DLG2: variants seen among roughly 807,000 people sequenced by gnomAD.
DLG2 encodes disks large homolog 2.
In DLG2, 45 loss-of-function variants were observed where a neutral mutation model predicts 132.5. That is an observed-to-expected ratio of 0.34 (90% confidence interval 0.27 to 0.44). The LOEUF is 0.44. DLG2 is among the 20% of genes least tolerant of loss of function. DLG2 has a pLI of 1.00. For synonymous variants in DLG2, 424 were observed against 419.6 expected, an observed-to-expected ratio of 1.01 and a Z score of -0.13; for missense variants, 1,045 against 1,196.9, an observed-to-expected ratio of 0.87 and a Z score of 1.87.
At chr11:85,346,122 TA>T (rs1184777394) in intron 3 of DLG2, among the ~76,000 whole-genome samples, 1 of 151,880 alleles carries the variant, frequency 6.6e-6, no homozygotes, top group Non-Finnish European at 1.5e-5. Flanking sequence ...CCACCTTAGG[TA>T]CGATGCTTGT....
intron 9 of DLG2, among the ~76,000 whole-genome samples, chr11:84,126,918 T>A (rs2094200476): frequency 6.6e-6 from 1 of 152,190 alleles, no homozygotes. Context: ...TCCATAAACA[T>A]ATATTAATGA....
intron 10 of DLG2, among the ~76,000 whole-genome samples, chr11:84,096,052 T>C (rs1317061023): frequency 6.6e-6 from 1 of 151,742 alleles, no homozygotes; most frequent in Non-Finnish European, 1.5e-5. Flanking sequence ...CCTTTGGGGG[T>C]TTTTAGGCAG....
chr11:84,558,828 A>G (rs920619185), intron 6 of DLG2, among the ~76,000 whole-genome samples: 2 of 151,942 alleles, frequency 1.3e-5, no homozygotes, highest in African/African-American at 2.4e-5. Flanking sequence ...ATTTTTTTGC[A>G]TCTATTCAAT....
chr11:84,176,139 G>A (rs1418455292), intron 8 of DLG2, among the ~76,000 whole-genome samples: 1 of 151,616 alleles, frequency 6.6e-6, no homozygotes, highest in Admixed American at 6.6e-5. Context: ...ATGGTTACCT[G>A]ATGGTTCACT....
chr11:85,011,026 A>C (rs77924021), intron 6 of DLG2, among the ~76,000 whole-genome samples: 2,091 of 152,236 alleles, frequency 0.014, 46 homozygotes, highest in African/African-American at 0.047. Context: ...AATCTGTCCC[A>C]CCCATTTGAA....
intron 21 of DLG2, among the ~76,000 whole-genome samples, chr11:83,507,547 G>GAT (rs1315119037): frequency 1.4e-5 from 2 of 140,602 alleles, no homozygotes; most frequent in Admixed American, 7.2e-5. Flanking sequence ...ATATCCTAAA[G>GAT]ATATATATCC....
At chr11:83,929,849 G>A (rs1431382712) in intron 15 of DLG2, among the ~76,000 whole-genome samples, 1 of 152,118 alleles carries the variant, frequency 6.6e-6, no homozygotes, top group Non-Finnish European at 1.5e-5. Context: ...ATACCTTAAA[G>A]ACTCAGTTAA....
chr11:85,485,796 C>A (rs989010274), intron 3 of DLG2, among the ~76,000 whole-genome samples: 8 of 152,198 alleles, frequency 5.3e-5, no homozygotes, highest in Admixed American at 5.2e-4. Flanking sequence ...GGGGAACCCA[C>A]ATGGAGTCCC....
At chr11:84,745,118 A>G (rs1178197619) in intron 6 of DLG2, among the ~76,000 whole-genome samples, 1 of 152,238 alleles carries the variant, frequency 6.6e-6, no homozygotes, top group African/African-American at 2.4e-5. Flanking sequence ...AGGGGCTCCT[A>G]GCCCTCTACT....
chr11:84,458,231 T>C (rs191324625), intron 7 of DLG2, among the ~76,000 whole-genome samples: 57 of 151,042 alleles, frequency 3.8e-4, no homozygotes, highest in Middle Eastern at 3.4e-3. Flanking sequence ...AATACTGTGA[T>C]AAAATAAGTA....
intron 6 of DLG2, among the ~76,000 whole-genome samples, chr11:85,007,556 C>T (rs2058777920): frequency 6.7e-6 from 1 of 150,348 alleles, no homozygotes; most frequent in African/African-American, 2.4e-5. Flanking sequence ...GTCCCAGCTA[C>T]TCGGGAAGCT....
At chr11:83,847,313 A>G (rs1353387711) in intron 16 of DLG2, among the ~76,000 whole-genome samples, 2 of 152,176 alleles carry the variant, frequency 1.3e-5, no homozygotes, top group Non-Finnish European at 2.9e-5. Context: ...TTAGAGAAAA[A>G]AACTCTGCAT....
intron 3 of DLG2, among the ~76,000 whole-genome samples, chr11:85,303,876 T>C (rs2079769105): frequency 2.0e-5 from 3 of 152,318 alleles, no homozygotes; most frequent in African/African-American, 7.2e-5. Flanking sequence ...TTTACTTTTA[T>C]TTAAAAAGTG....
chr11:83,935,469 T>A (rs1253164432), intron 14 of DLG2, among the ~76,000 whole-genome samples: 1 of 152,154 alleles, frequency 6.6e-6, no homozygotes, highest in East Asian at 1.9e-4. Context: ...GAGGCTGACT[T>A]CTCTTATACT....
At chr11:85,042,992 C>A (rs745911620) in intron 6 of DLG2, among the ~76,000 whole-genome samples, 1 of 151,724 alleles carries the variant, frequency 6.6e-6, no homozygotes, top group African/African-American at 2.4e-5. Context: ...ATAATTTGAA[C>A]CATTTCAGGC....
chr11:85,478,704 C>G (rs931111956), intron 3 of DLG2, among the ~76,000 whole-genome samples: 4 of 152,148 alleles, frequency 2.6e-5, no homozygotes, highest in Non-Finnish European at 5.9e-5. Flanking sequence ...AAGTAGGGCA[C>G]AGTCCTGTTA....
chr11:85,258,823 T>G (rs1213327593), intron 4 of DLG2, among the ~76,000 whole-genome samples: 1 of 152,162 alleles, frequency 6.6e-6, no homozygotes, highest in Non-Finnish European at 1.5e-5. Flanking sequence ...AGCTCTGCCC[T>G]CTCAAAGCTG....
At chr11:83,544,157 G>A (rs894690817) in intron 19 of DLG2, among the ~76,000 whole-genome samples, 7 of 152,174 alleles carry the variant, frequency 4.6e-5, no homozygotes, top group Admixed American at 3.3e-4. Context: ...ACTACTGAGA[G>A]AGGACTCTCG....
intron 6 of DLG2, among the ~76,000 whole-genome samples, chr11:84,625,184 C>T (rs2154542944): frequency 6.6e-6 from 1 of 152,108 alleles, no homozygotes; most frequent in Non-Finnish European, 1.5e-5. Context: ...TTATTCAAGT[C>T]AAAAGTCCTT....
Sources: gnomAD v4.1 joint callset for allele counts (sites outside exome capture counted in the v4.1 genomes callset) on GRCh38, gnomAD v4.1.1 for gene constraint, MANE v1.5 for transcripts, NCBI Gene and HGNC (gene_info 2026-07-23, HGNC 2026-07-21) for gene names.